Variants in SPRED1 observed in about 807,000 individuals in gnomAD.
SPRED1 encodes sprouty related EVH1 domain containing 1, also known as sprouty-related, EVH1 domain-containing protein 1.
In SPRED1, 18 loss-of-function variants were observed where a neutral mutation model predicts 52.3. That is an observed-to-expected ratio of 0.34 (90% CI 0.24 to 0.51). The LOEUF is 0.51. Ranked by LOEUF, SPRED1 falls within the 20% of genes least tolerant of loss-of-function variation. The probability of loss-of-function intolerance (pLI) is 0.97; values close to 1 mark genes in which losing one functional copy is unlikely to be tolerated. For synonymous variants in SPRED1, 155 were observed against 179.7 expected (o/e 0.86, Z 1.10); for missense variants, 485 against 551.0 (o/e 0.88, Z 1.20).
At chr15:38,294,275 G>C (rs1894985474) in intron 1 of SPRED1, among the ~76,000 whole-genome samples, 1 of 152,084 alleles carries the variant, frequency 6.6e-6, no homozygotes, top group South Asian at 2.1e-4. Flanking sequence ...TGCCTCAATG[G>C]ATAAATAAGT....
Position 38,349,477 on chromosome 15 carries a change from A to C in SPRED1, c.638A>C (p.Gln213Pro). The C allele has an allele frequency of 6.2e-7, 1 of 1,612,854 alleles. No individual in the cohort carries two copies. The highest frequency in any genetic ancestry group is 1.7e-4 in the Middle Eastern group (1 of 6,052). Residue 213 changes from glutamine (Q) to proline (P), a missense_variant, in exon 6 of 7, where the codon CAG becomes CCG. Around this residue, in one of 5 missense-constraint regions of SPRED1, gnomAD observed 232 missense variants for 231.8 expected, o/e 1.00. Transcript: ENST00000299084. ...DIQSRSMEYV[Q>P]RQISKECGSL... Reference sequence around the variant, plus strand: ...CAGAGCAGAAGTATGGAATACGTACAGCGGCAAATATCCAAGGAATGTGGA... The same window carrying C: ...CAGAGCAGAAGTATGGAATACGTACCGCGGCAAATATCCAAGGAATGTGGA...
chr15:38,300,598 A>C (rs8027503), intron 2 of SPRED1, among the ~76,000 whole-genome samples: 125,349 of 151,960 alleles, frequency 0.82, 52,460 homozygotes, highest in Non-Finnish European at 0.9. Context: ...TTTCTTCCCC[A>C]CTTAAAGGGA....
At chr15:38,346,271 C>T (rs1028888939) in intron 5 of SPRED1, among the ~76,000 whole-genome samples, 7 of 150,630 alleles carry the variant, frequency 4.6e-5, no homozygotes, top group Admixed American at 1.3e-4. Context: ...GAGCCACGTA[C>T]GCCATTGCAC....
chr15:38,259,370 C>A (rs1249574674), intron 1 of SPRED1, among the ~76,000 whole-genome samples: 1 of 152,140 alleles, frequency 6.6e-6, no homozygotes, highest in African/African-American at 2.4e-5. Context: ...GATCTCCCAC[C>A]TGTGCCTCTT....
intron 1 of SPRED1, among the ~76,000 whole-genome samples, chr15:38,291,964 T>C (rs1357081759): frequency 6.6e-6 from 1 of 152,348 alleles, no homozygotes; most frequent in East Asian, 1.9e-4. Context: ...CAAAATAGTT[T>C]TTCCTTTTCC....
At chr15:38,337,826 C>T (rs1245197341) in intron 4 of SPRED1, among the ~76,000 whole-genome samples, 1 of 151,650 alleles carries the variant, frequency 6.6e-6, no homozygotes, top group Non-Finnish European at 1.5e-5. Context: ...CTTATAATTA[C>T]CACTGATACT....
chr15:38,281,493 A>C (rs578191578), intron 1 of SPRED1, among the ~76,000 whole-genome samples: 4 of 151,814 alleles, frequency 2.6e-5, no homozygotes, highest in African/African-American at 9.7e-5. Flanking sequence ...CCTGGGCTCA[A>C]GCGATTCTCC....
At chr15:38,286,199 A>C (rs1458719855) in intron 1 of SPRED1, among the ~76,000 whole-genome samples, 1 of 138,276 alleles carries the variant, frequency 7.2e-6, no homozygotes, top group Admixed American at 7.9e-5. Flanking sequence ...GTAGTGAGCT[A>C]TGATCATGCC....
intron 1 of SPRED1, among the ~76,000 whole-genome samples, chr15:38,269,002 G>T (rs1466055735): frequency 6.8e-6 from 1 of 146,694 alleles, no homozygotes; most frequent in Non-Finnish European, 1.5e-5. Flanking sequence ...GTGCAGTGGC[G>T]CGATCTCGGC....
chr15:38,268,078 G>T (rs1566849000), intron 1 of SPRED1: 1 of 152,148 alleles, frequency 6.6e-6, no homozygotes. Flanking sequence ...ACTTATAAAA[G>T]ATTAATTTGC....
At chr15:38,349,091 G>GTAAC (rs1022492957) in intron 5 of SPRED1, among the ~76,000 whole-genome samples, 3 of 151,984 alleles carry the variant, frequency 2.0e-5, no homozygotes, top group African/African-American at 7.2e-5. Context: ...TGTGACATGT[G>GTAAC]TAACTACTTT....
chr15:38,355,494 G>A lies in SPRED1; in HGVS notation c.*3830G>A, dbSNP rs8039150. The A allele has an allele frequency of 0.22, 33,881 of 151,962 alleles. 3,988 individuals are homozygous for A. Among genetic ancestry groups the A allele is most frequent in the Middle Eastern group, 0.33 (98 of 294 alleles). 9.4% of individuals were successfully genotyped at this position (151,962 alleles called of 1,614,324 possible). On this transcript the variant is annotated 3_prime_UTR_variant, in exon 7 of 7. Transcript: ENST00000299084. ...ATGGCACGGAAATGTTTCTTAATAT[G>A]CACGTGAGTCTCCAGAGTACAGGAA... is the stretch of plus-strand genomic sequence containing the variant.
At chr15:38,305,002 A>G (rs16966709) in intron 2 of SPRED1, among the ~76,000 whole-genome samples, 6,294 of 152,232 alleles carry the variant, frequency 0.041, 439 homozygotes, top group African/African-American at 0.14. Flanking sequence ...CAATAAAGGA[A>G]CTTCATTGAA....
chr15:38,276,687 G>A (rs985193379), intron 1 of SPRED1, among the ~76,000 whole-genome samples: 1 of 152,168 alleles, frequency 6.6e-6, no homozygotes, highest in Admixed American at 6.5e-5. Flanking sequence ...TCCTATTGTG[G>A]ATGTATTTTG....
chr15:38,352,345 T>C lies in SPRED1; in HGVS notation c.*681T>C, dbSNP rs1228712034. The C allele has an allele frequency of 6.6e-6, 1 of 152,490 alleles. No homozygotes were observed. Among genetic ancestry groups the C allele is most frequent in the East Asian group, 1.9e-4 (1 of 5,200 alleles). The allele number at this position is 152,490 out of a possible 1,614,324, so 9.4% of individuals were successfully genotyped here. A position where few individuals can be genotyped will look rare whatever the true frequency, so the allele number is the denominator to read the frequency against. ...CCATGCGAATGATTTGATATTTTCA[T>C]CCTTATTTCTCTTTGGCTACAATTT... On this transcript the variant is annotated 3_prime_UTR_variant, in exon 7 of 7. Transcript: ENST00000299084.
At chr15:38,309,020 G>C (rs1191799459) in intron 2 of SPRED1, among the ~76,000 whole-genome samples, 1 of 152,098 alleles carries the variant, frequency 6.6e-6, no homozygotes, top group Non-Finnish European at 1.5e-5. Context: ...TACTCATTCT[G>C]AGAGATGTGT....
chr15:38,274,415 G>T (rs2140959150), intron 1 of SPRED1, among the ~76,000 whole-genome samples: 1 of 152,300 alleles, frequency 6.6e-6, no homozygotes, highest in Middle Eastern at 3.4e-3. Flanking sequence ...GCACCTTTAT[G>T]TGCATTATCT....
At chr15:38,293,323 C>T (rs1398988121) in intron 1 of SPRED1, among the ~76,000 whole-genome samples, 1 of 151,988 alleles carries the variant, frequency 6.6e-6, no homozygotes, top group African/African-American at 2.4e-5. Context: ...TGGTTTCGAT[C>T]TCTTGACCTC....
chr15:38,341,496 A>G (rs771070331), intron 5 of SPRED1, among the ~76,000 whole-genome samples: 7 of 151,584 alleles, frequency 4.6e-5, no homozygotes, highest in Non-Finnish European at 8.8e-5. Flanking sequence ...ATTTTACAAT[A>G]TTTTCTAGTT....
Sources: gnomAD v4.1 joint callset for allele counts (sites outside exome capture counted in the v4.1 genomes callset) on GRCh38, gnomAD v4.1.1 for gene constraint, gnomAD v4.1.1 regional missense constraint, MANE v1.5 for transcripts, NCBI Gene and HGNC (gene_info 2026-07-23, HGNC 2026-07-21) for gene names.